Variants in ADAM17 observed in about 807,000 individuals in gnomAD.
ADAM17 encodes disintegrin and metalloproteinase domain-containing protein 17.
In ADAM17, 39 loss-of-function variants were observed where a neutral mutation model predicts 96.7. The observed-to-expected ratio is 0.40, with a 90% CI of 0.31 to 0.53. The LOEUF is 0.53. Among genes scored for constraint, ADAM17 ranks in the 20% least tolerant of loss-of-function variants. The probability of loss-of-function intolerance (pLI) is 0.44; values close to 1 mark genes in which losing one functional copy is unlikely to be tolerated. For synonymous variants in ADAM17, 344 were observed against 359.2 expected, an observed-to-expected ratio of 0.96 and a Z score of 0.48; for missense variants, 777 against 1,013.2, an observed-to-expected ratio of 0.77 and a Z score of 3.17.
chr2:9,497,045 G>A (rs778162454), intron 14 of ADAM17, 69 bp downstream of exon 14: 141 of 1,574,658 alleles, frequency 9.0e-5, no homozygotes, highest in Non-Finnish European at 1.2e-4. Context: ...CCTCCAAATG[G>A]AGGAAGGGAG....
intron 10 of ADAM17, among the ~76,000 whole-genome samples, chr2:9,515,735 CA>C (rs56888068): frequency 0.58 from 68,474 of 117,808 alleles, 18,542 homozygotes; most frequent in Middle Eastern, 0.75. Context: ...ACTCCGTCTC[CA>C]AAAAAAAAAA....
chr2:9,526,761 AC>A (rs948374751), intron 5 of ADAM17, among the ~76,000 whole-genome samples: 1 of 152,062 alleles, frequency 6.6e-6, no homozygotes, highest in African/African-American at 2.4e-5. Flanking sequence ...GTGCCATTGC[AC>A]TCAAGCCAGG....
At chr2:9,553,765 T>C (rs986356459) in intron 1 of ADAM17, among the ~76,000 whole-genome samples, 2 of 150,952 alleles carry the variant, frequency 1.3e-5, no homozygotes, top group Non-Finnish European at 3.0e-5. Flanking sequence ...ATTTTGCAAA[T>C]AAAAAACAAA....
At chr2:9,505,544 C>T (rs1663338346) in intron 11 of ADAM17, 179 bp from the exon 12 acceptor site, 1 of 621,990 alleles carries the variant, frequency 1.6e-6, no homozygotes, top group East Asian at 2.8e-5. Flanking sequence ...AACTGGGAAC[C>T]TCCCTCCATA....
intron 2 of ADAM17, among the ~76,000 whole-genome samples, chr2:9,540,250 T>C (rs1044966002): frequency 2.7e-4 from 41 of 152,316 alleles, no homozygotes; most frequent in African/African-American, 9.9e-4. Flanking sequence ...TGCTACTATA[T>C]CCACTTCTTC....
rs201578288 is a variant in ADAM17, at chr2:9,555,596, A to G, written c.10T>C (p.Ser4Pro). 2 of 1,583,070 alleles carry G rather than the reference A, an allele frequency of 1.3e-6. No homozygotes were observed. The highest frequency in any genetic ancestry group is 2.3e-5 in the East Asian group (1 of 43,162). Residue 4 changes from serine to proline, a missense_variant, in exon 1 of 19, where the codon TCT becomes CCT. By Grantham distance (74) the Ser-to-Pro change is moderately conservative. Coordinates refer to ENST00000310823, the MANE Select transcript of ADAM17 (RefSeq NM_003183.6). ...ACCACGCTGGTCAGGAATAGGAGAG[A>G]CTGCCTCATGTTCCCGGCCCCGCTA... MRQ[S>P]LLFLTSVVPF...
chr2:9,526,400 G>A, intron 5 of ADAM17, 156 bp from the exon 6 acceptor site: 2 of 788,596 alleles, frequency 2.5e-6, no homozygotes, highest in African/African-American at 1.8e-5. Context: ...TTTGGAGGAA[G>A]ACAGAAAAGT....
intron 2 of ADAM17, among the ~76,000 whole-genome samples, chr2:9,539,344 T>G (rs1665116507): frequency 6.6e-6 from 1 of 152,094 alleles, no homozygotes; most frequent in Non-Finnish European, 1.5e-5. Context: ...CCTGACCTCA[T>G]GACCTCATGA....
At chr2:9,499,487 C>T (rs550113146) in intron 13 of ADAM17, among the ~76,000 whole-genome samples, 15 of 151,860 alleles carry the variant, frequency 9.9e-5, no homozygotes, top group Admixed American at 2.6e-4. Flanking sequence ...CTGCAAGCTC[C>T]GCCTCCCGGG....
At position 9,492,969 on chromosome 2, in the gene ADAM17, T is replaced by C; in HGVS notation, c.2011A>G (p.Asn671Asp). ...AAAACCAGGACAGACCCAACGATGT[T>C]GTCTGCTAAAAACTTTCCTGTGAAC... ...INTFGKFLAD[N>D]IVGSVLVFSL... is the part of the protein sequence containing the mutation. Residue 671 changes from asparagine (N) to aspartate (D), a missense_variant, in exon 17 of 19, where the codon AAC becomes GAC. Coordinates refer to ENST00000310823, the MANE Select transcript of ADAM17 (RefSeq NM_003183.6). 1 of 1,611,432 alleles carries C rather than the reference T, an allele frequency of 6.2e-7. No homozygotes were observed. The highest frequency in any genetic ancestry group is 8.5e-7 in the Non-Finnish European group (1 of 1,178,566).
At chr2:9,537,919 A>AG (rs1287092774) in intron 2 of ADAM17, among the ~76,000 whole-genome samples, 1 of 29,492 alleles carries the variant, frequency 3.4e-5, no homozygotes, top group East Asian at 8.9e-4. Context: ...GGGGGAGGAG[A>AG]GGGGAGGAGA....
At chr2:9,541,307 A>G (rs899575054) in intron 2 of ADAM17, among the ~76,000 whole-genome samples, 2 of 152,234 alleles carry the variant, frequency 1.3e-5, no homozygotes, top group Non-Finnish European at 2.9e-5. Context: ...TCACACCTGT[A>G]ATCCCATCAC....
At chr2:9,530,594 C>T (rs13405870) in intron 4 of ADAM17, among the ~76,000 whole-genome samples, 2 of 152,080 alleles carry the variant, frequency 1.3e-5, no homozygotes, top group Non-Finnish European at 2.9e-5. Context: ...AGGCAGAAAA[C>T]TGGATTGGAT....
chr2:9,537,888 A>AGGAGAG (rs1665031220), intron 2 of ADAM17, among the ~76,000 whole-genome samples: 1 of 63,178 alleles, frequency 1.6e-5, no homozygotes, highest in Non-Finnish European at 3.5e-5. Context: ...AGGGGAGGGG[A>AGGAGAG]GGGGAGGGGA....
chr2:9,553,977 G>A (rs772424609), intron 1 of ADAM17, among the ~76,000 whole-genome samples: 6 of 151,782 alleles, frequency 4.0e-5, no homozygotes, highest in Non-Finnish European at 5.9e-5. Flanking sequence ...CAGGTGAACT[G>A]CTTGAACCCC....
chr2:9,520,984 AAAGG>A (rs1304518368), intron 8 of ADAM17, among the ~76,000 whole-genome samples: 3 of 147,778 alleles, frequency 2.0e-5, no homozygotes, highest in South Asian at 2.1e-4. Flanking sequence ...AAAAAAAAAA[AAAGG>A]AAGCATTGCT....
At chr2:9,514,734 G>A (rs1467308767) in intron 10 of ADAM17, among the ~76,000 whole-genome samples, 5 of 151,308 alleles carry the variant, frequency 3.3e-5, no homozygotes, top group East Asian at 3.9e-4. Flanking sequence ...TTAGCCGGGC[G>A]TGGTGGTGGG....
At chr2:9,536,635 C>G in intron 3 of ADAM17, 63 bp downstream of exon 3, 1 of 1,593,324 alleles carries the variant, frequency 6.3e-7, no homozygotes, top group Non-Finnish European at 8.6e-7. Context: ...AATATGCAAT[C>G]AAGTTAGATT....
rs769369491 is a variant in ADAM17 at position 9,494,630 on chromosome 2, TACTC to T, written c.1914+3_1914+6del. 7 of 1,613,512 alleles carry T rather than the reference TACTC, an allele frequency of 4.3e-6. No individual in the cohort carries two copies. Among genetic ancestry groups the T allele is most frequent in the Non-Finnish European group, 4.2e-6 (5 of 1,179,734 alleles). ...TGTTACAGAAAAAGCTGTACATAAA[TACTC>T]ACATTCATGTCACAAAATCCTACTG... On this transcript the variant is annotated splice_donor_5th_base_variant and intron_variant, in intron 15 of 18. Transcript: ENST00000310823.
Sources: gnomAD v4.1 joint callset for allele counts (sites outside exome capture counted in the v4.1 genomes callset) on GRCh38, gnomAD v4.1.1 for gene constraint, MANE v1.5 for transcripts, NCBI Gene and HGNC (gene_info 2026-07-23, HGNC 2026-07-21) for gene names.